Variants in RNF2 observed in about 807,000 individuals in gnomAD.
The protein encoded by RNF2 is E3 ubiquitin-protein ligase RING2.
Under a neutral mutation model 37.2 loss-of-function variants are expected in RNF2, and 6 were observed. The ratio of observed to expected loss-of-function variants is 0.16; its 90% CI spans 0.09 to 0.32. The LOEUF (loss-of-function observed/expected upper bound fraction) is 0.32. Ranked by LOEUF, RNF2 falls within the 10% of genes least tolerant of loss-of-function variation. The pLI, the probability that RNF2 is intolerant of heterozygous loss-of-function variation, is 1.00. For missense variants in RNF2, 251 were observed against 404.0 expected, an observed-to-expected ratio of 0.62 and a Z score of 3.25; for synonymous variants, 133 against 132.7, an observed-to-expected ratio of 1.00 and a Z score of -0.02.
intron 4 of RNF2, among the ~76,000 whole-genome samples, chr1:185,097,532 T>G (rs981359781): frequency 1.3e-5 from 2 of 152,256 alleles, no homozygotes; most frequent in African/African-American, 4.8e-5. Flanking sequence ...GTCTTTTGTT[T>G]AATAAAGAAA....
At chr1:185,078,050 AG>A (rs1651230345) in intron 1 of RNF2, among the ~76,000 whole-genome samples, 1 of 152,202 alleles carries the variant, frequency 6.6e-6, no homozygotes, top group South Asian at 2.1e-4. Flanking sequence ...GTTCGAGACT[AG>A]CCCGGCCAAC....
In RNF2 at chr1:185,086,438, T is replaced by A. The variant is rs553020085; in HGVS notation, c.-2-1114T>A. On this transcript the variant is annotated intron_variant, in intron 1 of 6. Transcript: ENST00000367510. ...TCAAAGACAAGCAGAGAAGTTGGTC[T>A]TATGCTCTTCAGTTCATTTATATCG... Among the ~76,000 whole-genome samples, 236 of 152,236 alleles carry A rather than the reference T, an allele frequency of 1.6e-3. 1 individual carries two copies. The highest frequency in any genetic ancestry group is 3.1e-3 in the Non-Finnish European group (214 of 68,004).
intron 1 of RNF2, among the ~76,000 whole-genome samples, chr1:185,060,838 G>C (rs1286649784): frequency 6.6e-6 from 1 of 152,202 alleles, no homozygotes; most frequent in Admixed American, 6.5e-5. Context: ...GAGGAAACAG[G>C]CTGGGCAAGG....
intron 1 of RNF2, among the ~76,000 whole-genome samples, chr1:185,060,310 T>G (rs1188102393): frequency 2.6e-5 from 4 of 152,196 alleles, no homozygotes; most frequent in Non-Finnish European, 5.9e-5. Context: ...ACAGGTTTAT[T>G]TATTGGGGCC....
At chr1:185,050,960 C>T (rs1215131772) in intron 1 of RNF2, among the ~76,000 whole-genome samples, 1 of 152,198 alleles carries the variant, frequency 6.6e-6, no homozygotes, top group African/African-American at 2.4e-5. Flanking sequence ...TATGTAGTTT[C>T]TTAATTGTCC....
chr1:185,084,627 C>G (rs1297458887), intron 1 of RNF2, among the ~76,000 whole-genome samples: 1 of 152,182 alleles, frequency 6.6e-6, no homozygotes, highest in Non-Finnish European at 1.5e-5. Flanking sequence ...CCTTTCCTTT[C>G]TAGAGCTTCT....
chr1:185,095,564 T>C (rs1375973483), intron 4 of RNF2, among the ~76,000 whole-genome samples: 1 of 152,258 alleles, frequency 6.6e-6, no homozygotes, highest in Non-Finnish European at 1.5e-5. Context: ...ACTAGAATTA[T>C]GACCCCTAAG....
At chr1:185,056,490 G>A (rs922691381) in intron 1 of RNF2, among the ~76,000 whole-genome samples, 1 of 151,426 alleles carries the variant, frequency 6.6e-6, no homozygotes, top group African/African-American at 2.4e-5. Context: ...TCCTGAGTAG[G>A]TGGAACTATA....
At chr1:185,047,198 G>A (rs973248675) in intron 1 of RNF2, among the ~76,000 whole-genome samples, 1 of 152,188 alleles carries the variant, frequency 6.6e-6, no homozygotes, top group African/African-American at 2.4e-5. Flanking sequence ...CACATTTGAG[G>A]TTAATTATAG....
chr1:185,102,550 C>T lies in RNF2; in HGVS notation c.*2249C>T, dbSNP rs1017731287. On this transcript the variant is annotated 3_prime_UTR_variant, in exon 7 of 7. Coordinates refer to ENST00000367510, the MANE Select transcript of RNF2 (RefSeq NM_007212.4). ...GTCTACTTGTAAAACTTTTTCATCA[C>T]CCCAAACAGAAACTCTGTGTGCAAT... 1 of 152,202 alleles carries T rather than the reference C, an allele frequency of 6.6e-6. No homozygotes were observed. The highest frequency in any genetic ancestry group is 1.5e-5 in the Non-Finnish European group (1 of 68,014). The allele number at this position is 152,202 out of a possible 1,614,324, so 9.4% of individuals were successfully genotyped here.
chr1:185,086,470 G>A (rs1651604603), intron 1 of RNF2, among the ~76,000 whole-genome samples: 2 of 152,060 alleles, frequency 1.3e-5, no homozygotes, highest in South Asian at 2.1e-4. Flanking sequence ...ATCGGGAAAG[G>A]AGGCAGAATT....
intron 4 of RNF2, among the ~76,000 whole-genome samples, chr1:185,095,754 A>G (rs1358371590): frequency 1.3e-5 from 2 of 152,196 alleles, no homozygotes; most frequent in Non-Finnish European, 2.9e-5. Flanking sequence ...TCTTATGTTG[A>G]AATACTTATG....
At chr1:185,051,099 T>G (rs774422139) in intron 1 of RNF2, among the ~76,000 whole-genome samples, 5 of 152,238 alleles carry the variant, frequency 3.3e-5, no homozygotes, top group Non-Finnish European at 5.9e-5. Flanking sequence ...TCCCACACCA[T>G]TCACACACTA....
At chr1:185,088,894 A>G (rs1160440902) in intron 2 of RNF2, among the ~76,000 whole-genome samples, 3 of 152,104 alleles carry the variant, frequency 2.0e-5, no homozygotes, top group African/African-American at 7.2e-5. Context: ...ATGCCCAGGG[A>G]CCAGTTTCAT....
chr1:185,076,596 GT>G (rs59705922), intron 1 of RNF2, among the ~76,000 whole-genome samples: 3,054 of 142,826 alleles, frequency 0.021, 95 homozygotes, highest in African/African-American at 0.067. Context: ...TTATTTTATG[GT>G]TTTTTTTTTT....
intron 1 of RNF2, among the ~76,000 whole-genome samples, chr1:185,073,969 C>A (rs1400684041): frequency 6.6e-6 from 1 of 152,162 alleles, no homozygotes; most frequent in East Asian, 1.9e-4. Flanking sequence ...GCCATTAAGC[C>A]CATGCCTCAT....
intron 1 of RNF2, among the ~76,000 whole-genome samples, chr1:185,068,865 A>C (rs1367440504): frequency 6.6e-6 from 1 of 152,220 alleles, no homozygotes; most frequent in Non-Finnish European, 1.5e-5. Context: ...ATATTAAACT[A>C]TAGCTTTATT....
chr1:185,085,349 C>T (rs546654744), intron 1 of RNF2, among the ~76,000 whole-genome samples: 18 of 151,784 alleles, frequency 1.2e-4, no homozygotes, highest in Middle Eastern at 3.4e-3. Flanking sequence ...GGGGTTTCAC[C>T]GTGGTCTCGA....
Sources: gnomAD v4.1 joint callset for allele counts (sites outside exome capture counted in the v4.1 genomes callset) on GRCh38, gnomAD v4.1.1 for gene constraint, MANE v1.5 for transcripts, NCBI Gene and HGNC (gene_info 2026-07-23, HGNC 2026-07-21) for gene names.